Variants in PEX7 observed in about 807,000 individuals in gnomAD.
The protein encoded by PEX7 is peroxisomal biogenesis factor 7.
Under a neutral mutation model 47.5 loss-of-function variants are expected in PEX7, and 34 were observed. The ratio of observed to expected loss-of-function variants is 0.72; its 90% CI spans 0.54 to 0.95. The LOEUF (loss-of-function observed/expected upper bound fraction) is 0.95. PEX7 is among the 40% of genes least tolerant of loss of function. The pLI is 0.00. For missense variants in PEX7, 394 were observed against 400.3 expected, an observed-to-expected ratio of 0.98 and a Z score of 0.13; for synonymous variants, 141 against 148.8, an observed-to-expected ratio of 0.95 and a Z score of 0.38.
chr6:136,883,896 T>C (rs371538452), intron 8 of PEX7, among the ~76,000 whole-genome samples: 6 of 152,246 alleles, frequency 3.9e-5, no homozygotes, highest in Admixed American at 6.5e-5. Context: ...GGAGCATTGC[T>C]TCACAGGCAG....
chr6:136,870,438 A>G (rs1325631891), intron 7 of PEX7, among the ~76,000 whole-genome samples: 1 of 152,170 alleles, frequency 6.6e-6, no homozygotes, highest in African/African-American at 2.4e-5. Flanking sequence ...GATGTTTGGG[A>G]TATAGAAAGT....
intron 3 of PEX7, among the ~76,000 whole-genome samples, chr6:136,837,634 A>C (rs971528773): frequency 2.0e-5 from 3 of 152,004 alleles, no homozygotes; most frequent in Non-Finnish European, 4.4e-5. Context: ...TGGAGAAGTC[A>C]TTTATTCCAG....
intron 3 of PEX7, among the ~76,000 whole-genome samples, chr6:136,837,541 T>C (rs972668890): frequency 3.3e-5 from 5 of 152,142 alleles, no homozygotes; most frequent in African/African-American, 1.2e-4. Flanking sequence ...TTAGAAGCAG[T>C]GACAACTGAG....
intron 5 of PEX7, among the ~76,000 whole-genome samples, chr6:136,859,546 G>A (rs752226505): frequency 1.3e-5 from 2 of 151,974 alleles, no homozygotes; most frequent in Non-Finnish European, 2.9e-5. Context: ...CATCTGAGAG[G>A]CACAAGGCAT....
chr6:136,876,229 G>A (rs1278317913), intron 8 of PEX7, among the ~76,000 whole-genome samples: 1 of 151,884 alleles, frequency 6.6e-6, no homozygotes, highest in African/African-American at 2.4e-5. Flanking sequence ...AGTAGAGATG[G>A]GGTTTCACCG....
chr6:136,866,336 T>C (rs1775071493), intron 5 of PEX7, among the ~76,000 whole-genome samples: 1 of 152,132 alleles, frequency 6.6e-6, no homozygotes, highest in Non-Finnish European at 1.5e-5. Flanking sequence ...TTTCAGGGCC[T>C]TTCCTGCCTC....
At chr6:136,830,003 C>G (rs1479226490) in intron 3 of PEX7, 7 of 699,504 alleles carry the variant, frequency 1.0e-5, no homozygotes, top group Non-Finnish European at 1.8e-5. Context: ...TTTTTTTCCA[C>G]CAGTATGTTC....
chr6:136,846,078 T>A lies in PEX7; in HGVS notation c.423T>A (p.Asp141Glu). The change falls in exon 5 of 10, where the codon GAT becomes GAA. Residue 141 changes from aspartate to glutamate, a missense_variant. Transcript: ENST00000318471. ...GSWDQTVKLW[D>E]PTVGKSLCTF... ...ATCTATTCATTTATTTGTAGTGGGA[T>A]CCAACTGTTGGAAAGTCTCTGTGCA... is the stretch of plus-strand genomic sequence containing the variant. 1.9e-6 allele frequency: 3 copies of A among 1,603,226 alleles called. No homozygotes were observed. The highest frequency in any genetic ancestry group is 2.6e-6 in the Non-Finnish European group (3 of 1,170,202).
rs143435932 is a variant in PEX7 at position 136,850,455 on chromosome 6, G to A, written c.526+4274G>A. On this transcript the variant is annotated intron_variant, in intron 5 of 9. Transcript: ENST00000318471. ...GTTGATGCAGTTTCTTCCTAGCCTC[G>A]ATGGGCTTTACAATTTGGCATGTTT... Among the ~76,000 whole-genome samples, 188 of 152,184 alleles carry A rather than the reference G, an allele frequency of 1.2e-3. 6 individuals are homozygous for A. The East Asian group carries it at 0.032, about 26-fold the overall frequency.
chr6:136,842,275 G>A (rs527371834), intron 3 of PEX7, among the ~76,000 whole-genome samples: 12 of 152,302 alleles, frequency 7.9e-5, no homozygotes, highest in South Asian at 2.1e-4. Flanking sequence ...GATTACAGGC[G>A]TGAGCCACCA....
chr6:136,841,925 A>T (rs1250150760), intron 3 of PEX7, among the ~76,000 whole-genome samples: 1 of 150,082 alleles, frequency 6.7e-6, no homozygotes, highest in South Asian at 2.1e-4. Flanking sequence ...AAACCCACAC[A>T]GTCTCCTGAT....
intron 7 of PEX7, among the ~76,000 whole-genome samples, chr6:136,870,284 T>A (rs531814279): frequency 3.5e-4 from 54 of 152,212 alleles, no homozygotes; most frequent in Non-Finnish European, 6.6e-4. Context: ...TTTAATATAT[T>A]TTTTTAACTA....
At chr6:136,847,124 G>T (rs1774620062) in intron 5 of PEX7, among the ~76,000 whole-genome samples, 1 of 152,118 alleles carries the variant, frequency 6.6e-6, no homozygotes, top group African/African-American at 2.4e-5. Flanking sequence ...GTGTCTGTTG[G>T]CTGCATAAAT....
Position 136,866,626 on chromosome 6 carries a change from G to C in PEX7, c.527-1G>C. 6.2e-7 allele frequency: 1 copy of C among 1,612,934 alleles called. No individual in the cohort carries two copies. The stretch of plus-strand genomic sequence containing the variant: ...AATGATCAAGTCTTCCTTTTTACTA[G>C]GTGATCAGACTCTGAGAATATGGGA... On this transcript the variant is annotated splice_acceptor_variant, in intron 5 of 9. Coordinates refer to ENST00000318471, the MANE Select transcript of PEX7 (RefSeq NM_000288.4). LOFTEE classifies it high-confidence loss of function.
chr6:136,837,801 G>A (rs888051497), intron 3 of PEX7, among the ~76,000 whole-genome samples: 1 of 143,644 alleles, frequency 7.0e-6, no homozygotes, highest in Non-Finnish European at 1.5e-5. Flanking sequence ...TGAAAGCAAT[G>A]AATTTAAACG....
At chr6:136,882,749 C>G (rs1582768507) in intron 8 of PEX7, among the ~76,000 whole-genome samples, 1 of 152,080 alleles carries the variant, frequency 6.6e-6, no homozygotes, top group African/African-American at 2.4e-5. Context: ...CCCTATATCT[C>G]TCTATATCTT....
At chr6:136,823,271 A>C in intron 1 of PEX7, 1 of 985,432 alleles carries the variant, frequency 1.0e-6, no homozygotes, top group Non-Finnish European at 1.2e-6. Flanking sequence ...GGCCTTCCTA[A>C]GGACGATGCT....
intron 8 of PEX7, among the ~76,000 whole-genome samples, chr6:136,872,867 T>C (rs979719358): frequency 6.6e-6 from 1 of 152,194 alleles, no homozygotes; most frequent in Non-Finnish European, 1.5e-5. Flanking sequence ...CTGTAATGCT[T>C]AGAAAGTAGT....
At chr6:136,876,289 A>C (rs201367176) in intron 8 of PEX7, among the ~76,000 whole-genome samples, 3 of 152,104 alleles carry the variant, frequency 2.0e-5, no homozygotes, top group Non-Finnish European at 4.4e-5. Context: ...CACCCGCCTC[A>C]GCCTCCCAAA....
Sources: allele counts gnomAD v4.1 joint callset (sites outside exome capture counted in the v4.1 genomes callset), GRCh38; gene constraint gnomAD v4.1.1; transcripts MANE v1.5; gene names NCBI Gene and HGNC (gene_info 2026-07-23, HGNC 2026-07-21).